The following CDH11 variants were observed in gnomAD, a reference collection of about 807,000 sequenced individuals.
The protein encoded by CDH11 is cadherin-11.
CDH11 carries 11 observed loss-of-function variants against 67.8 expected under a neutral mutation model. The ratio of observed to expected loss-of-function variants is 0.16; its 90% CI spans 0.10 to 0.27. The LOEUF (loss-of-function observed/expected upper bound fraction) is 0.27, where lower values mean the gene tolerates loss of function less well. Among genes scored for constraint, CDH11 ranks in the 10% least tolerant of loss-of-function variants. The pLI, the probability that CDH11 is intolerant of heterozygous loss-of-function variation, is 1.00. For missense variants in CDH11, 847 were observed against 1,031.2 expected, an observed-to-expected ratio of 0.82 and a Z score of 2.45; for synonymous variants, 419 against 400.0, an observed-to-expected ratio of 1.05 and a Z score of -0.57.
At chr16:65,108,200 C>T (rs985035779) in intron 1 of CDH11, among the ~76,000 whole-genome samples, 6 of 152,118 alleles carry the variant, frequency 3.9e-5, no homozygotes, top group Non-Finnish European at 7.3e-5. Context: ...GGATCTGATC[C>T]GTTCCTCACT....
In CDH11 at chr16:65,070,227, A is replaced by G. The variant is rs80163356; in HGVS notation, c.-297-16299T>C. 6.9e-3 allele frequency among the ~76,000 whole-genome samples: 1,054 copies of G among 152,326 alleles called. 22 individuals are homozygous for G. Among genetic ancestry groups the G allele is most frequent in the African/African-American group, 0.023 (967 of 41,570 alleles). On this transcript the variant is annotated intron_variant, in intron 1 of 12. Transcript: ENST00000268603. Reference sequence around the variant, plus strand: ...GGCAACAAATTCATTTGTCCCCAGGATATTCAGACACCTCACACTAAACCA... The same window carrying G: ...GGCAACAAATTCATTTGTCCCCAGGGTATTCAGACACCTCACACTAAACCA...
intron 7 of CDH11, chr16:64,986,446 T>C (rs2072489217): frequency 6.6e-6 from 1 of 151,970 alleles, no homozygotes; most frequent in South Asian, 2.1e-4. Flanking sequence ...CAGTGTGTGT[T>C]TATGCCCTGA....
chr16:64,948,759 A>C, intron 12 of CDH11: 1 of 1,601,732 alleles, frequency 6.2e-7, no homozygotes, highest in Non-Finnish European at 8.5e-7. Context: ...CTTCCCTGGG[A>C]GAGGGGGGTT....
At chr16:65,123,442 G>C (rs183620894), upstream of CDH11, among the ~76,000 whole-genome samples, 96 of 151,942 alleles carry the variant, frequency 6.3e-4, no homozygotes, top group African/African-American at 2.2e-3. Context: ...GGGAGGAGAC[G>C]GGCCCAGGAG....
chr16:65,012,622 G>A (rs1378050135), intron 2 of CDH11, among the ~76,000 whole-genome samples: 3 of 152,156 alleles, frequency 2.0e-5, no homozygotes, highest in Non-Finnish European at 4.4e-5. Flanking sequence ...GAAGATCTTG[G>A]CAATTAAGGA....
intron 1 of CDH11, among the ~76,000 whole-genome samples, chr16:65,063,837 G>A (rs756658843): frequency 2.6e-5 from 4 of 152,158 alleles, no homozygotes; most frequent in Admixed American, 6.5e-5. Flanking sequence ...CAGTAAGATT[G>A]TTTCCTACTT....
upstream of CDH11, among the ~76,000 whole-genome samples, chr16:65,122,839 C>T (rs1212896915): frequency 3.3e-5 from 5 of 152,172 alleles, no homozygotes; most frequent in Admixed American, 6.5e-5. Context: ...GGCCTCGCTC[C>T]AGCTTTTGGG....
At chr16:65,111,674 A>AACACACACACAC (rs71143552) in intron 1 of CDH11, among the ~76,000 whole-genome samples, 10,230 of 140,540 alleles carry the variant, frequency 0.073, 430 homozygotes, top group Admixed American at 0.11. Context: ...GAAAGCTAGA[A>AACACACACACAC]ACACACACAC....
In CDH11 at chr16:65,074,513, A is replaced by G. The variant is rs182232296; in HGVS notation, c.-297-20585T>C. 3.9e-5 allele frequency among the ~76,000 whole-genome samples: 6 copies of G among 152,236 alleles called. No homozygotes were observed. The East Asian group carries it at 9.7e-4, about 24-fold the overall frequency. On this transcript the variant is annotated intron_variant, in intron 1 of 12. Coordinates refer to ENST00000268603, the MANE Select transcript of CDH11 (RefSeq NM_001797.4). ...GCTATAAGATAATTCATATATATAT[A>G]CACACACACAATATGTGAACAATGG... is the stretch of plus-strand genomic sequence containing the variant.
At chr16:65,076,760 T>C (rs1484403591) in intron 1 of CDH11, among the ~76,000 whole-genome samples, 1 of 150,120 alleles carries the variant, frequency 6.7e-6, no homozygotes, top group Admixed American at 6.7e-5. Context: ...CTCCCACTTA[T>C]GAGTGAGAAC....
chr16:65,027,300 G>A (rs79468215), intron 2 of CDH11, among the ~76,000 whole-genome samples: 2 of 152,156 alleles, frequency 1.3e-5, no homozygotes, highest in African/African-American at 4.8e-5. Context: ...GAGCACCATT[G>A]TAACAAAGCC....
At chr16:65,094,746 G>C (rs1202038782) in intron 1 of CDH11, 1 of 152,078 alleles carries the variant, frequency 6.6e-6, no homozygotes, top group Non-Finnish European at 1.5e-5. Context: ...CCCTTATCAA[G>C]GGACTTAAAG....
chr16:64,985,065 C>CA (rs1344115323), intron 7 of CDH11: 14 of 152,128 alleles, frequency 9.2e-5, no homozygotes, highest in Non-Finnish European at 2.1e-4. Flanking sequence ...CCCATTTAGT[C>CA]AAAGGTGCTG....
chr16:64,994,101 T>A (rs1446396033), intron 4 of CDH11, among the ~76,000 whole-genome samples: 1 of 152,214 alleles, frequency 6.6e-6, no homozygotes, highest in African/African-American at 2.4e-5. Context: ...GGGAGCCAGT[T>A]TACACAGCCT....
rs1328877341 is a variant in CDH11, at chr16:64,945,788, A to C, written c.*1815T>G. 9.6e-7 allele frequency: 1 copy of C among 1,045,062 alleles called. No homozygotes were observed. Among genetic ancestry groups the C allele is most frequent in the Non-Finnish European group, 1.2e-6 (1 of 866,264 alleles). 64.7% of individuals were successfully genotyped at this position (1,045,062 alleles called of 1,614,324 possible). A position where few individuals can be genotyped will look rare whatever the true frequency, so the allele number is the denominator to read the frequency against. On this transcript the variant is annotated 3_prime_UTR_variant, in exon 13 of 13. Coordinates refer to ENST00000268603, the MANE Select transcript of CDH11 (RefSeq NM_001797.4). ...GTATGCATGTTGACTAAATCATAAA[A>C]ATAGTACATAACATGATATCAAGAA...
intron 11 of CDH11, among the ~76,000 whole-genome samples, chr16:64,955,440 A>G (rs1161543917): frequency 6.6e-6 from 1 of 151,300 alleles, no homozygotes; most frequent in African/African-American, 2.4e-5. Flanking sequence ...ATCAAAAAGA[A>G]AAAAAAAATC....
intron 1 of CDH11, among the ~76,000 whole-genome samples, chr16:65,101,320 G>A (rs2074987805): frequency 2.0e-5 from 3 of 152,156 alleles, no homozygotes; most frequent in South Asian, 4.1e-4. Context: ...CAAAGGCACA[G>A]GTTCTTCTCT....
At chr16:64,970,810 G>A (rs769236589) in intron 11 of CDH11, among the ~76,000 whole-genome samples, 2 of 152,080 alleles carry the variant, frequency 1.3e-5, no homozygotes, top group Non-Finnish European at 2.9e-5. Context: ...GTTTTCACAG[G>A]CCTGCACCTT....
intron 1 of CDH11, among the ~76,000 whole-genome samples, chr16:65,089,326 G>C (rs1024066518): frequency 6.6e-6 from 1 of 152,134 alleles, no homozygotes; most frequent in Non-Finnish European, 1.5e-5. Context: ...AAAAGAAATA[G>C]AAGATGATCA....
Sources: gnomAD v4.1 joint callset for allele counts (sites outside exome capture counted in the v4.1 genomes callset) on GRCh38, gnomAD v4.1.1 for gene constraint, MANE v1.5 for transcripts, NCBI Gene and HGNC (gene_info 2026-07-23, HGNC 2026-07-21) for gene names.